The following HERPUD2 variants were observed in gnomAD, a reference collection of about 807,000 sequenced individuals.
The protein encoded by HERPUD2 is HERPUD family member 2.
A neutral mutation model predicts 49.9 loss-of-function variants in HERPUD2; 13 were observed. The observed-to-expected ratio is 0.26, with a 90% CI of 0.17 to 0.41. The LOEUF (loss-of-function observed/expected upper bound fraction) is 0.41, where lower values mean the gene tolerates loss of function less well. Among genes scored for constraint, HERPUD2 ranks in the 10% least tolerant of loss-of-function variants. The pLI is 1.00. For synonymous variants in HERPUD2, 172 were observed against 171.4 expected (o/e 1.00, Z -0.03); for missense variants, 449 against 492.2 (o/e 0.91, Z 0.83).
At chr7:35,670,142 T>C in intron 4 of HERPUD2, 73 bp downstream of exon 4, 1 of 656,124 alleles carries the variant, frequency 1.5e-6, no homozygotes, top group Non-Finnish European at 2.5e-6. Context: ...CATTTAGTTT[T>C]TAGAGGCAAA....
Position 35,673,186 on chromosome 7 carries a change from G to A in HERPUD2, c.225+15C>T, listed in dbSNP as rs1427062568. 26 of 1,589,484 alleles carry A rather than the reference G, an allele frequency of 1.6e-5. No individual in the cohort carries two copies. The highest frequency in any genetic ancestry group is 2.2e-5 in the Non-Finnish European group (26 of 1,160,132). On this transcript the variant is annotated intron_variant, in intron 3 of 8. Coordinates refer to ENST00000311350, the MANE Select transcript of HERPUD2 (RefSeq NM_022373.5). ...CTGAATGTATCTGGTATCAAATAGT[G>A]GTAGAAAAGCTTACTTTTCTGAGAA... is the stretch of plus-strand genomic sequence containing the variant.
At chr7:35,642,921 A>G (rs968388266) in intron 5 of HERPUD2, among the ~76,000 whole-genome samples, 6 of 152,208 alleles carry the variant, frequency 3.9e-5, no homozygotes, top group Admixed American at 1.3e-4. Context: ...GAGTTTACCT[A>G]TGTAACAAAT....
At chr7:35,635,992 G>A (rs1489149279) in intron 6 of HERPUD2, among the ~76,000 whole-genome samples, 2 of 152,090 alleles carry the variant, frequency 1.3e-5, no homozygotes, top group Non-Finnish European at 2.9e-5. Flanking sequence ...CCCCAATACT[G>A]ATTTGGAAGA....
At chr7:35,660,395 T>A (rs1453550749) in intron 5 of HERPUD2, among the ~76,000 whole-genome samples, 2 of 152,198 alleles carry the variant, frequency 1.3e-5, no homozygotes, top group Non-Finnish European at 2.9e-5. Flanking sequence ...ATATGCCCAG[T>A]AATGGGATGG....
At chr7:35,662,782 T>C (rs1248273308) in intron 5 of HERPUD2, among the ~76,000 whole-genome samples, 4 of 152,224 alleles carry the variant, frequency 2.6e-5, no homozygotes, top group African/African-American at 9.6e-5. Flanking sequence ...TTAGTCTTGC[T>C]AGTGGTCTAT....
chr7:35,694,057 A>C, intron 2 of HERPUD2, 127 bp downstream of exon 2: 1 of 914,114 alleles, frequency 1.1e-6, no homozygotes, highest in Non-Finnish European at 1.7e-6. Context: ...AGAACTCAAA[A>C]TACCTCGCGG....
chr7:35,644,219 A>C (rs1785012284), intron 5 of HERPUD2, among the ~76,000 whole-genome samples: 1 of 152,146 alleles, frequency 6.6e-6, no homozygotes, highest in African/African-American at 2.4e-5. Flanking sequence ...TTTTTCTAAA[A>C]CATACATAGC....
chr7:35,645,267 A>C (rs1714919867), intron 5 of HERPUD2, among the ~76,000 whole-genome samples: 1 of 152,184 alleles, frequency 6.6e-6, no homozygotes, highest in Admixed American at 6.6e-5. Context: ...AAATTATAGT[A>C]ATCTGTATAA....
intron 5 of HERPUD2, among the ~76,000 whole-genome samples, chr7:35,650,064 A>T (rs10278428): frequency 0.31 from 47,545 of 152,016 alleles, 8,147 homozygotes; most frequent in Non-Finnish European, 0.38. Flanking sequence ...TTTACTTTTA[A>T]AAAATCAGAC....
chr7:35,672,824 T>C (rs557177353), intron 3 of HERPUD2, among the ~76,000 whole-genome samples: 9 of 152,162 alleles, frequency 5.9e-5, no homozygotes, highest in African/African-American at 1.9e-4. Context: ...CTCAAGCAAT[T>C]TGTATAAAAA....
intron 2 of HERPUD2, among the ~76,000 whole-genome samples, chr7:35,680,640 G>A (rs1441210525): frequency 1.3e-5 from 2 of 152,152 alleles, no homozygotes; most frequent in Admixed American, 1.3e-4. Flanking sequence ...CCTGCCTGCT[G>A]TATTCTCCCC....
chr7:35,633,930 T>C (rs1163051591), intron 8 of HERPUD2, 79 bp from the exon 9 acceptor site: 1 of 1,422,728 alleles, frequency 7.0e-7, no homozygotes, highest in Non-Finnish European at 9.6e-7. Flanking sequence ...TTAAATTCTT[T>C]GTAGAACAAA....
At chr7:35,655,703 G>C (rs1469034761) in intron 5 of HERPUD2, among the ~76,000 whole-genome samples, 1 of 152,140 alleles carries the variant, frequency 6.6e-6, no homozygotes, top group African/African-American at 2.4e-5. Context: ...CATCAAGCAA[G>C]AGAAAGTAAG....
rs78381277 is a variant in HERPUD2, at chr7:35,694,919, C to G, written c.-416G>C. 59,906 of 152,384 alleles carry G rather than the reference C, an allele frequency of 0.39. 12,239 individuals are homozygous for G. Among genetic ancestry groups the G allele is most frequent in the South Asian group, 0.56 (2,744 of 4,924 alleles). The allele number at this position is 152,384 out of a possible 1,614,324, so 9.4% of individuals were successfully genotyped here. ...CGCTCCCTTCCTGCTGCGCGGCGAC[C>G]GGCACGGCCCAGCCCCGGGTCTCGC... is the stretch of plus-strand genomic sequence containing the variant. On this transcript the variant is annotated 5_prime_UTR_variant, in exon 1 of 9. Transcript: ENST00000311350.
chr7:35,694,701 C>T, intron 1 of HERPUD2, 74 bp from the exon 2 acceptor site: 1 of 237,470 alleles, frequency 4.2e-6, no homozygotes, highest in Non-Finnish European at 8.5e-6. Flanking sequence ...CCACCGCGAC[C>T]CCCAAGCTGG....
At position 35,635,400 on chromosome 7, in the gene HERPUD2, A is replaced by AAGT; in HGVS notation, c.673_675dup (p.Thr225dup). ...ACATGTGCCAAATTTAGAGGCTGTG[A>AAGT]AGTAGTAGGCTGGGTTGGGTTGACA... On this transcript the variant is annotated inframe_insertion, in exon 7 of 9. Coordinates refer to ENST00000311350, the MANE Select transcript of HERPUD2 (RefSeq NM_022373.5). 2 of 1,614,100 alleles carry AAGT rather than the reference A, an allele frequency of 1.2e-6. No homozygotes were observed. The highest frequency in any genetic ancestry group is 1.7e-6 in the Non-Finnish European group (2 of 1,180,002).
intron 3 of HERPUD2, among the ~76,000 whole-genome samples, chr7:35,670,679 CA>C (rs1157470954): frequency 1.3e-5 from 2 of 152,096 alleles, no homozygotes; most frequent in Non-Finnish European, 2.9e-5. Context: ...TTACAGTTTA[CA>C]TATTTCCATC....
In HERPUD2 at chr7:35,640,833, A is replaced by C. The variant is rs182421640; in HGVS notation, c.495-2361T>G. Among the ~76,000 whole-genome samples the C allele has an allele frequency of 2.5e-3, 380 of 152,314 alleles. 1 individual carries two copies. The highest frequency in any genetic ancestry group is 8.8e-3 in the African/African-American group (368 of 41,592). On this transcript the variant is annotated intron_variant, in intron 5 of 8. Coordinates refer to ENST00000311350, the MANE Select transcript of HERPUD2 (RefSeq NM_022373.5). The stretch of plus-strand genomic sequence containing the variant: ...AACAAGTTAAAGAGAACTGTTATTT[A>C]ATGCTAGGGAAAAAGATGATCAAAT...
At position 35,638,414 on chromosome 7, in the gene HERPUD2, C is replaced by T. The variant is rs370847541; in HGVS notation, c.553G>A (p.Ala185Thr). ...AAPPGFPVYP[A>T]FSPLQMLWWQ... ...CATAGCATCTGCAGTGGGCTAAACG[C>T]GGGATACACTGGGAATCCAGGTGGA... The change falls in exon 6 of 9, where the codon GCG (alanine) becomes ACG (threonine). Residue 185 changes from alanine to threonine, a missense_variant. Ala to Thr is a moderately conservative substitution (Grantham distance 58, BLOSUM62 0). Coordinates refer to ENST00000311350, the MANE Select transcript of HERPUD2 (RefSeq NM_022373.5). 1.4e-5 allele frequency: 22 copies of T among 1,613,446 alleles called. No homozygotes were observed. The Admixed American group carries it at 2.5e-4, about 18-fold the overall frequency.
Sources: allele counts gnomAD v4.1 joint callset (sites outside exome capture counted in the v4.1 genomes callset), GRCh38; gene constraint gnomAD v4.1.1; transcripts MANE v1.5; gene names NCBI Gene and HGNC (gene_info 2026-07-23, HGNC 2026-07-21).